Variants in PDGFC observed in about 807,000 individuals in gnomAD.
PDGFC encodes the protein platelet-derived growth factor C.
A neutral mutation model predicts 35.5 loss-of-function variants in PDGFC; 12 were observed. The observed-to-expected ratio is 0.34, with a 90% CI of 0.22 to 0.55. The LOEUF (loss-of-function observed/expected upper bound fraction) is 0.55, where lower values mean the gene tolerates loss of function less well. Ranked by LOEUF, PDGFC falls within the 20% of genes least tolerant of loss-of-function variation. PDGFC has a pLI of 0.91. For missense variants in PDGFC, 322 were observed against 412.4 expected, an observed-to-expected ratio of 0.78 and a Z score of 1.90; for synonymous variants, 159 against 148.8, an observed-to-expected ratio of 1.07 and a Z score of -0.50.
intron 2 of PDGFC, among the ~76,000 whole-genome samples, chr4:156,849,488 A>ATTTCACTTT (rs1242615993): frequency 6.6e-6 from 1 of 152,136 alleles, no homozygotes; most frequent in Admixed American, 6.5e-5. Context: ...TTCATGTTAT[A>ATTTCACTTT]CAAATGTCAT....
intron 1 of PDGFC, among the ~76,000 whole-genome samples, chr4:156,943,518 G>A (rs1228809493): frequency 1.3e-5 from 2 of 152,062 alleles, no homozygotes; most frequent in Admixed American, 6.6e-5. Context: ...ACTCTGACAA[G>A]CACCACTATA....
chr4:156,969,702 C>T (rs1228721685), intron 1 of PDGFC, among the ~76,000 whole-genome samples: 5 of 152,106 alleles, frequency 3.3e-5, no homozygotes, highest in East Asian at 1.9e-4. Context: ...GTTCATTTTG[C>T]ATGGTTAATC....
Position 156,956,298 on chromosome 4 carries a change from GTA to G in PDGFC, c.118+14486_118+14487del. Among the ~76,000 whole-genome samples, 4 of 152,138 alleles carry G rather than the reference GTA, an allele frequency of 2.6e-5. 1 individual carries two copies. Among genetic ancestry groups the G allele is most frequent in the Admixed American group, 2.6e-4 (4 of 15,272 alleles). The stretch of plus-strand genomic sequence containing the variant: ...CACAGTAGCCATGGAGAACAACAAT[GTA>G]GACTTTCCTTACTCAAAGTTTGGTC... On this transcript the variant is annotated intron_variant, in intron 1 of 5. Coordinates refer to ENST00000502773, the MANE Select transcript of PDGFC (RefSeq NM_016205.3).
At chr4:156,779,211 C>T (rs1282297022) in intron 3 of PDGFC, 2 of 455,778 alleles carry the variant, frequency 4.4e-6, no homozygotes, top group Admixed American at 2.4e-5. Context: ...CGCTTCTTTG[C>T]CTTTCCCTAT....
intron 1 of PDGFC, among the ~76,000 whole-genome samples, chr4:156,941,418 T>A (rs1018023976): frequency 2.0e-5 from 3 of 152,174 alleles, no homozygotes; most frequent in African/African-American, 7.2e-5. Flanking sequence ...CAAACTTTAT[T>A]CTGTAATTTT....
chr4:156,859,406 GATTA>G (rs1223054206), intron 1 of PDGFC, among the ~76,000 whole-genome samples: 1 of 151,978 alleles, frequency 6.6e-6, no homozygotes, highest in African/African-American at 2.4e-5. Flanking sequence ...TATCTTATGT[GATTA>G]AATAATGTCA....
chr4:156,931,998 T>A (rs1221241823), intron 1 of PDGFC, among the ~76,000 whole-genome samples: 1 of 152,146 alleles, frequency 6.6e-6, no homozygotes, highest in East Asian at 1.9e-4. Context: ...GTATATGATT[T>A]GAGGTAAAAA....
chr4:156,794,605 T>C (rs1386018219), intron 3 of PDGFC, among the ~76,000 whole-genome samples: 2 of 152,028 alleles, frequency 1.3e-5, no homozygotes, highest in African/African-American at 4.8e-5. Context: ...TACAAGACCT[T>C]TTGCTTTTTA....
At chr4:156,789,773 G>A (rs898707776) in intron 3 of PDGFC, among the ~76,000 whole-genome samples, 8 of 152,068 alleles carry the variant, frequency 5.3e-5, no homozygotes, top group Admixed American at 2.0e-4. Flanking sequence ...TCAGGAGATC[G>A]AGACCATCCT....
rs765573815 is a variant in PDGFC at position 156,810,952 on chromosome 4, C to G, written c.380G>C (p.Gly127Ala). The change falls in exon 3 of 6, where the codon GGT becomes GCT. Residue 127 changes from glycine to alanine, a missense_variant. Gly to Ala is a moderately conservative substitution (Grantham distance 60). Coordinates refer to ENST00000502773, the MANE Select transcript of PDGFC (RefSeq NM_016205.3). ...GTILGRWCGS[G>A]TVPGKQISKG... The stretch of plus-strand genomic sequence containing the variant: ...AGAAATCTGTTTTCCTGGTACAGTA[C>G]CAGAACCACACCAGCGCCCTAATAT... 1.2e-6 allele frequency: 2 copies of G among 1,606,622 alleles called. No homozygotes were observed. The highest frequency in any genetic ancestry group is 3.4e-5 in the Admixed American group (2 of 59,654).
chr4:156,796,605 T>C (rs183700080), intron 3 of PDGFC, among the ~76,000 whole-genome samples: 24 of 151,996 alleles, frequency 1.6e-4, no homozygotes, highest in Admixed American at 1.3e-3. Context: ...TGTGCTGTAG[T>C]TGAAATTATG....
At chr4:156,783,206 A>G (rs1731030260) in intron 3 of PDGFC, among the ~76,000 whole-genome samples, 2 of 152,204 alleles carry the variant, frequency 1.3e-5, no homozygotes, top group South Asian at 4.2e-4. Context: ...TTAGGGGGAG[A>G]GTAGATGGTG....
intron 1 of PDGFC, among the ~76,000 whole-genome samples, chr4:156,966,104 T>G (rs1046500445): frequency 6.6e-6 from 1 of 152,184 alleles, no homozygotes; most frequent in East Asian, 1.9e-4. Flanking sequence ...TGGTGCATAC[T>G]AAATGATTAT....
chr4:156,786,349 A>C (rs879383751), intron 3 of PDGFC, among the ~76,000 whole-genome samples: 2 of 152,220 alleles, frequency 1.3e-5, no homozygotes, highest in Non-Finnish European at 2.9e-5. Context: ...AAGCAGGAAG[A>C]AGTAAAAAGT....
chr4:156,824,309 TATATATATATATATATATACAC>T (rs1732365043), intron 2 of PDGFC, among the ~76,000 whole-genome samples: 1 of 42,398 alleles, frequency 2.4e-5, no homozygotes, highest in Non-Finnish European at 5.7e-5. Flanking sequence ...TATATATATA[TATATATATATATATATATACAC>T]ACACACACAC....
chr4:156,867,035 A>G (rs889089404), intron 1 of PDGFC, among the ~76,000 whole-genome samples: 2 of 152,170 alleles, frequency 1.3e-5, no homozygotes, highest in East Asian at 3.8e-4. Context: ...TCCTTTCCAT[A>G]AAGAAGTGTA....
intron 2 of PDGFC, among the ~76,000 whole-genome samples, chr4:156,812,499 A>G (rs1731962262): frequency 6.6e-6 from 1 of 152,132 alleles, no homozygotes; most frequent in South Asian, 2.1e-4. Flanking sequence ...GTTAAAACGA[A>G]GTCTGACATG....
chr4:156,841,005 C>T (rs900040725), intron 2 of PDGFC, among the ~76,000 whole-genome samples: 5 of 152,124 alleles, frequency 3.3e-5, no homozygotes, highest in African/African-American at 1.2e-4. Context: ...TTTACAGGCT[C>T]ATAGGCAGAA....
intron 5 of PDGFC, among the ~76,000 whole-genome samples, chr4:156,766,578 C>A (rs1263352053): frequency 1.3e-5 from 2 of 152,120 alleles, no homozygotes; most frequent in East Asian, 1.9e-4. Flanking sequence ...TGAAAATCTG[C>A]CCTTCTGGCT....
Sources: allele counts gnomAD v4.1 joint callset (sites outside exome capture counted in the v4.1 genomes callset), GRCh38; gene constraint gnomAD v4.1.1; transcripts MANE v1.5; gene names NCBI Gene and HGNC (gene_info 2026-07-23, HGNC 2026-07-21).